CREM: variants seen among roughly 807,000 people sequenced by gnomAD.
The protein encoded by CREM is cAMP-responsive element modulator.
A neutral mutation model predicts 37.3 loss-of-function variants in CREM; 13 were observed. The ratio of observed to expected loss-of-function variants is 0.35; its 90% CI spans 0.23 to 0.55. The LOEUF (loss-of-function observed/expected upper bound fraction) is 0.55. CREM is among the 20% of genes least tolerant of loss of function. The probability of loss-of-function intolerance (pLI) is 0.88; values close to 1 mark genes in which losing one functional copy is unlikely to be tolerated. For missense variants in CREM, 296 were observed against 362.3 expected (o/e 0.82, Z 1.49); for synonymous variants, 124 against 120.2 (o/e 1.03, Z -0.21).
intron 5 of CREM, among the ~76,000 whole-genome samples, chr10:35,187,256 A>C (rs1354845638): frequency 8.8e-6 from 1 of 113,638 alleles, no homozygotes; most frequent in African/African-American, 3.4e-5. Flanking sequence ...AACATATATA[A>C]TTATATGTAT....
At chr10:35,211,087 G>A (rs985358857) in intron 7 of CREM, among the ~76,000 whole-genome samples, 167 bp from the exon 8 acceptor site, 1 of 152,138 alleles carries the variant, frequency 6.6e-6, no homozygotes, top group African/African-American at 2.4e-5. Context: ...GTTGTCTAAT[G>A]GTTATCTTAC....
At chr10:35,130,563 A>G (rs1192310474) in intron 1 of CREM, among the ~76,000 whole-genome samples, 1 of 152,244 alleles carries the variant, frequency 6.6e-6, no homozygotes, top group Non-Finnish European at 1.5e-5. Context: ...ATAAGATTAT[A>G]ATGGAGCTGA....
At chr10:35,202,426 CT>C (rs937287320) in intron 6 of CREM, among the ~76,000 whole-genome samples, 2 of 151,994 alleles carry the variant, frequency 1.3e-5, no homozygotes, top group African/African-American at 4.8e-5. Context: ...ATCTTTGTAT[CT>C]TTATTTTTTT....
intron 3 of CREM, among the ~76,000 whole-genome samples, chr10:35,148,858 A>T (rs2092370778): frequency 6.6e-6 from 1 of 152,184 alleles, no homozygotes. Context: ...TGTCTTAATC[A>T]TTACTTTCTT....
chr10:35,167,323 T>C (rs1013248289), intron 3 of CREM, among the ~76,000 whole-genome samples: 2 of 152,254 alleles, frequency 1.3e-5, no homozygotes, highest in Non-Finnish European at 2.9e-5. Flanking sequence ...TCAAGATAGT[T>C]TTCAACTTCT....
intron 1 of CREM, among the ~76,000 whole-genome samples, chr10:35,130,248 A>G (rs947914311): frequency 1.3e-5 from 2 of 151,970 alleles, no homozygotes; most frequent in South Asian, 4.1e-4. Context: ...ATCTCATTAC[A>G]CAATAGGTAG....
At chr10:35,128,774 G>A (rs948860450) in intron 1 of CREM, among the ~76,000 whole-genome samples, 4 of 151,674 alleles carry the variant, frequency 2.6e-5, no homozygotes, top group Non-Finnish European at 5.9e-5. Flanking sequence ...ATCCGCCCGC[G>A]TCGGCCTCCC....
At chr10:35,159,726 C>G (rs1265946209) in intron 3 of CREM, among the ~76,000 whole-genome samples, 1 of 152,158 alleles carries the variant, frequency 6.6e-6, no homozygotes, top group Admixed American at 6.5e-5. Context: ...AGTATTACGT[C>G]AAACTATAAA....
At chr10:35,135,636 T>G (rs1474270599) in intron 1 of CREM, 1 of 145,324 alleles carries the variant, frequency 6.9e-6, no homozygotes, top group Non-Finnish European at 1.5e-5. Context: ...ATGCCTGTAA[T>G]CCCAACACTT....
chr10:35,149,128 AG>A (rs1026765658), intron 3 of CREM, among the ~76,000 whole-genome samples: 138 of 152,336 alleles, frequency 9.1e-4, no homozygotes, highest in African/African-American at 3.0e-3. Context: ...TAATTCCAGT[AG>A]GGTAAGAAGT....
chr10:35,131,126 T>C (rs1015438935), intron 1 of CREM, among the ~76,000 whole-genome samples: 2 of 152,208 alleles, frequency 1.3e-5, no homozygotes, highest in African/African-American at 2.4e-5. Context: ...CATCCTCTTG[T>C]CAGACTTTTT....
chr10:35,196,135 T>C lies in CREM; in HGVS notation c.598+7747T>C, dbSNP rs199630591. Reference sequence around the variant, plus strand: ...GCCTCCTACTGAGGCCGTCCCTGCATGCGCCTGGTGAGAAATGGATTATGT... The same window carrying C: ...GCCTCCTACTGAGGCCGTCCCTGCACGCGCCTGGTGAGAAATGGATTATGT... On this transcript the variant is annotated intron_variant, in intron 6 of 7. Transcript: ENST00000685392. 5 of 1,611,314 alleles carry C rather than the reference T, an allele frequency of 3.1e-6. No homozygotes were observed. In the East Asian group the frequency reaches 8.9e-5, roughly 29 times the overall value.
At chr10:35,188,149 T>G in intron 5 of CREM, 51 bp from the exon 6 acceptor site, 1 of 1,524,620 alleles carries the variant, frequency 6.6e-7, no homozygotes, top group Non-Finnish European at 8.9e-7. Context: ...TAGGGGATTA[T>G]TAAAAATAAA....
At chr10:35,201,604 G>T in intron 6 of CREM, 1 of 1,313,726 alleles carries the variant, frequency 7.6e-7, no homozygotes, top group Non-Finnish European at 1.0e-6. Context: ...AGAGTTCTAG[G>T]AATTTTCTTT....
chr10:35,130,735 T>C (rs757279286), intron 1 of CREM, among the ~76,000 whole-genome samples: 7 of 152,230 alleles, frequency 4.6e-5, no homozygotes, highest in Non-Finnish European at 1.0e-4. Context: ...TTTTGTAGCC[T>C]AGGAGCAACA....
intron 1 of CREM, among the ~76,000 whole-genome samples, chr10:35,134,374 G>A (rs1265853836): frequency 1.3e-5 from 2 of 152,102 alleles, no homozygotes; most frequent in Non-Finnish European, 1.5e-5. Flanking sequence ...ATGCCACCAC[G>A]CCTGGCTACT....
intron 3 of CREM, among the ~76,000 whole-genome samples, chr10:35,168,714 G>A (rs1336002642): frequency 6.6e-6 from 1 of 152,114 alleles, no homozygotes; most frequent in Non-Finnish European, 1.5e-5. Context: ...TTTCTTCTAG[G>A]GTTTTTATGG....
chr10:35,134,236 A>T (rs2090038280), intron 1 of CREM, among the ~76,000 whole-genome samples: 1 of 150,936 alleles, frequency 6.6e-6, no homozygotes, highest in South Asian at 2.1e-4. Context: ...TTCTTTTTTA[A>T]ATGAGAGTCT....
chr10:35,178,883 T>C lies in CREM; in HGVS notation c.169-6T>C, dbSNP rs767454608. 2 of 1,600,742 alleles carry C rather than the reference T, an allele frequency of 1.2e-6. No homozygotes were observed. The highest frequency in any genetic ancestry group is 1.7e-6 in the Non-Finnish European group (2 of 1,172,446). Reference sequence around the variant, plus strand: ...ATGATACATTTCAGAAAATCTTGTATTATAGGTAGCAGCAATTGCAGAGAC... The same window carrying C: ...ATGATACATTTCAGAAAATCTTGTACTATAGGTAGCAGCAATTGCAGAGAC... On this transcript the variant is annotated splice_region_variant and splice_polypyrimidine_tract_variant and intron_variant, in intron 3 of 7. Transcript: ENST00000685392.
Sources: gnomAD v4.1 joint callset for allele counts (sites outside exome capture counted in the v4.1 genomes callset) on GRCh38, gnomAD v4.1.1 for gene constraint, MANE v1.5 for transcripts, NCBI Gene and HGNC (gene_info 2026-07-23, HGNC 2026-07-21) for gene names.